The following INSYN2A variants were observed in gnomAD, a reference collection of about 807,000 sequenced individuals.
INSYN2A encodes family with sequence similarity 196 member A.
Under a neutral mutation model 39.4 loss-of-function variants are expected in INSYN2A, and 17 were observed. The ratio of observed to expected loss-of-function variants is 0.43; its 90% confidence interval spans 0.30 to 0.65. The LOEUF (loss-of-function observed/expected upper bound fraction) is 0.65, where lower values mean the gene tolerates loss of function less well. INSYN2A is among the 30% of genes least tolerant of loss of function. The pLI, the probability that INSYN2A is intolerant of heterozygous loss-of-function variation, is 0.14. For missense variants in INSYN2A, 595 were observed against 631.2 expected (o/e 0.94, Z 0.61); for synonymous variants, 255 against 265.7 (o/e 0.96, Z 0.39).
At chr10:127,148,481 T>A (rs1214826543) in intron 5 of INSYN2A, among the ~76,000 whole-genome samples, 1 of 152,234 alleles carries the variant, frequency 6.6e-6, no homozygotes, top group Non-Finnish European at 1.5e-5. Context: ...GTTATTTTCA[T>A]GAAAATGTAC....
At chr10:127,177,692 A>G (rs1250317052) in intron 2 of INSYN2A, among the ~76,000 whole-genome samples, 5 of 152,158 alleles carry the variant, frequency 3.3e-5, no homozygotes, top group Non-Finnish European at 7.4e-5. Flanking sequence ...GGTGTCTGAA[A>G]AACCAGCCCA....
chr10:127,141,823 T>G (rs2051288204), intron 5 of INSYN2A, among the ~76,000 whole-genome samples: 1 of 152,244 alleles, frequency 6.6e-6, no homozygotes, highest in Non-Finnish European at 1.5e-5. Flanking sequence ...GGGCTCTGCC[T>G]GGAGGCATTG....
chr10:127,195,768 C>A (rs979782793), intron 1 of INSYN2A, among the ~76,000 whole-genome samples: 1 of 152,166 alleles, frequency 6.6e-6, no homozygotes, highest in African/African-American at 2.4e-5. Context: ...CCCGGTCGCG[C>A]CAGATGCAGT....
chr10:127,167,729 G>A (rs1288726105), intron 4 of INSYN2A, among the ~76,000 whole-genome samples: 8 of 151,814 alleles, frequency 5.3e-5, no homozygotes, highest in East Asian at 1.9e-4. Context: ...TCCCCTGCCC[G>A]TGACACCAAA....
chr10:127,147,677 A>G (rs2052020876), intron 5 of INSYN2A, among the ~76,000 whole-genome samples: 1 of 151,638 alleles, frequency 6.6e-6, no homozygotes, highest in Non-Finnish European at 1.5e-5. Context: ...TTCAATTAAT[A>G]CCCTTTAGGA....
chr10:127,149,852 G>T (rs1176450846), intron 5 of INSYN2A, among the ~76,000 whole-genome samples: 4 of 152,148 alleles, frequency 2.6e-5, no homozygotes, highest in African/African-American at 9.7e-5. Context: ...GCATCCCATG[G>T]TGCATATGGA....
intron 2 of INSYN2A, among the ~76,000 whole-genome samples, chr10:127,189,097 C>A (rs1277844922): frequency 6.6e-6 from 1 of 152,158 alleles, no homozygotes; most frequent in East Asian, 1.9e-4. Flanking sequence ...ATGTGTTGTG[C>A]ATGTGGATGA....
chr10:127,165,246 G>A lies in INSYN2A; in HGVS notation c.1184+9966C>T, dbSNP rs535122409. ...CTTTTGATGTGTGTTTTTAGATCAA[G>A]CTTAGTTAGCAATTTTTAATGAGAA... On this transcript the variant is annotated intron_variant, in intron 4 of 5. Coordinates refer to ENST00000522781, the MANE Select transcript of INSYN2A (RefSeq NM_001039762.3). Among the ~76,000 whole-genome samples the A allele has an allele frequency of 8.2e-4, 125 of 152,264 alleles. 1 individual carries two copies. The highest frequency in any genetic ancestry group is 5.6e-3 in the South Asian group (27 of 4,818).
Position 127,185,491 on chromosome 10 carries a change from A to C in INSYN2A, c.-269+7114T>G, listed in dbSNP as rs926240397. Reference sequence around the variant, plus strand: ...CAGTGAGCCGAGATTGCACCACTGCACTCCAGCAAGAGAATCTTAACACTA... The same window carrying C: ...CAGTGAGCCGAGATTGCACCACTGCCCTCCAGCAAGAGAATCTTAACACTA... On this transcript the variant is annotated intron_variant, in intron 2 of 5. Coordinates refer to ENST00000522781, the MANE Select transcript of INSYN2A (RefSeq NM_001039762.3). Among the ~76,000 whole-genome samples, 3 of 152,180 alleles carry C rather than the reference A, an allele frequency of 2.0e-5. No homozygotes were observed. The South Asian group carries it at 6.2e-4, about 32-fold the overall frequency.
chr10:127,167,006 T>C (rs1158277124), intron 4 of INSYN2A, among the ~76,000 whole-genome samples: 1 of 152,210 alleles, frequency 6.6e-6, no homozygotes, highest in African/African-American at 2.4e-5. Flanking sequence ...GTATGTGTGA[T>C]ACCTACATGA....
At chr10:127,152,705 C>T (rs1480748802) in intron 5 of INSYN2A, among the ~76,000 whole-genome samples, 1 of 152,252 alleles carries the variant, frequency 6.6e-6, no homozygotes, top group African/African-American at 2.4e-5. Context: ...GTTGTGGCAA[C>T]TGAAAACGTC....
intron 2 of INSYN2A, among the ~76,000 whole-genome samples, chr10:127,183,606 CT>C (rs936983970): frequency 3.9e-5 from 6 of 152,266 alleles, no homozygotes; most frequent in African/African-American, 1.4e-4. Flanking sequence ...AGAGTTAGTG[CT>C]TGTAATCTTC....
chr10:127,186,278 G>C (rs1023721750), intron 2 of INSYN2A, among the ~76,000 whole-genome samples: 1 of 152,172 alleles, frequency 6.6e-6, no homozygotes, highest in African/African-American at 2.4e-5. Context: ...TTGCTGGGGA[G>C]GCCTCAAGAA....
Position 127,196,539 on chromosome 10 carries a change from G to T in INSYN2A, c.-937C>A, listed in dbSNP as rs2134180752. On this transcript the variant is annotated 5_prime_UTR_variant, in exon 1 of 6. Transcript: ENST00000522781. ...GCGGCCAGAGGCGAGGGCGCCCCAA[G>T]CCGCGCGCCTGCCGCCTGTGCGCCC... Among the ~76,000 whole-genome samples, 1 of 147,452 alleles carries T rather than the reference G, an allele frequency of 6.8e-6. No homozygotes were observed. The highest frequency in any genetic ancestry group is 2.1e-4 in the South Asian group (1 of 4,798).
rs529312760 is a variant in INSYN2A at position 127,164,442 on chromosome 10, CAG to C, written c.1185-10521_1185-10520del. On this transcript the variant is annotated intron_variant, in intron 4 of 5. Coordinates refer to ENST00000522781, the MANE Select transcript of INSYN2A (RefSeq NM_001039762.3). ...AGGTGATCCACCCGCCTCGGCCTCC[CAG>C]AGTGTTGGGATTACAGGCGTGAGCC... 4.3e-3 allele frequency among the ~76,000 whole-genome samples: 650 copies of C among 152,202 alleles called. 5 individuals carry two copies. The highest frequency in any genetic ancestry group is 0.015 in the African/African-American group (619 of 41,532).
In INSYN2A at chr10:127,137,486, A is replaced by G. The variant is rs1043291060; in HGVS notation, c.*351T>C. 9 of 191,992 alleles carry G rather than the reference A, an allele frequency of 4.7e-5. No homozygotes were observed. The highest frequency in any genetic ancestry group is 1.9e-4 in the African/African-American group (8 of 43,030). The allele number at this position is 191,992 out of a possible 1,614,324, so 11.9% of individuals were successfully genotyped here. Reference sequence around the variant, plus strand: ...CAAGGCTTGAAAATAATTATGAGTTATAGCTGTGTACAGGGTGACAGCCTG... The same window carrying G: ...CAAGGCTTGAAAATAATTATGAGTTGTAGCTGTGTACAGGGTGACAGCCTG... On this transcript the variant is annotated 3_prime_UTR_variant, in exon 6 of 6. Coordinates refer to ENST00000522781, the MANE Select transcript of INSYN2A (RefSeq NM_001039762.3).
intron 5 of INSYN2A, among the ~76,000 whole-genome samples, chr10:127,152,034 A>G (rs1044895842): frequency 5.3e-5 from 8 of 151,198 alleles, no homozygotes; most frequent in Admixed American, 6.6e-5. Flanking sequence ...TTTTTTTTCG[A>G]TCACCCACAG....
Position 127,176,167 on chromosome 10 carries a change from G to A in INSYN2A, c.229C>T (p.Pro77Ser). The stretch of plus-strand genomic sequence containing the variant: ...CGGTAGGCTGCTCTGCAGGACACGG[G>A]CTTGGCCTCCCGCTTCTCCCCCAGC... ...GQLGEKREAK[P>S]VSCRAAYRKY... Residue 77 changes from proline to serine, a missense_variant, in exon 4 of 6, where the codon CCC becomes TCC. Coordinates refer to ENST00000522781, the MANE Select transcript of INSYN2A (RefSeq NM_001039762.3). The surrounding 1 kb of genome is among the most constrained non-coding windows in gnomAD (Gnocchi z 4.4). 6.2e-7 allele frequency: 1 copy of A among 1,614,134 alleles called. No homozygotes were observed. Among genetic ancestry groups the A allele is most frequent in the Non-Finnish European group, 8.5e-7 (1 of 1,180,038 alleles).
At chr10:127,173,006 T>C (rs1029685739) in intron 4 of INSYN2A, among the ~76,000 whole-genome samples, 1 of 152,200 alleles carries the variant, frequency 6.6e-6, no homozygotes, top group African/African-American at 2.4e-5. Context: ...CTGTATTGGA[T>C]AGAGCAGCTC....
Sources: allele counts gnomAD v4.1 joint callset (sites outside exome capture counted in the v4.1 genomes callset), GRCh38; gene constraint gnomAD v4.1.1; non-coding constraint Gnocchi (gnomAD v3.1); transcripts MANE v1.5; gene names NCBI Gene and HGNC (gene_info 2026-07-23, HGNC 2026-07-21).